NPAT: variants seen among roughly 807,000 people sequenced by gnomAD.
The protein encoded by NPAT is protein NPAT.
A neutral mutation model predicts 130.7 loss-of-function variants in NPAT; 52 were observed. That is an observed-to-expected ratio of 0.40 (90% CI 0.32 to 0.50). The LOEUF (loss-of-function observed/expected upper bound fraction) is 0.50, where lower values mean the gene tolerates loss of function less well. NPAT is among the 20% of genes least tolerant of loss of function. The pLI is 0.68. For missense variants in NPAT, 1,687 were observed against 1,662.6 expected (o/e 1.01, Z -0.26); for synonymous variants, 580 against 584.8 (o/e 0.99, Z 0.12).
intron 10 of NPAT, among the ~76,000 whole-genome samples, chr11:108,178,836 C>T (rs1002078052): frequency 2.6e-5 from 4 of 152,062 alleles, no homozygotes; most frequent in African/African-American, 9.7e-5. Flanking sequence ...CCAGCCTGGG[C>T]AACTGTGAGT....
chr11:108,170,211 G>C (rs180756196), intron 13 of NPAT, 168 bp from the exon 14 acceptor site: 10 of 593,816 alleles, frequency 1.7e-5, no homozygotes, highest in Non-Finnish European at 2.7e-5. Flanking sequence ...CAAAAAAAAC[G>C]AAACTGAAAC....
rs1313267060 is a variant in NPAT, at chr11:108,158,058, C to A, written c.*884G>T. The A allele has an allele frequency of 5.9e-5, 9 of 152,462 alleles. No homozygotes were observed. The highest frequency in any genetic ancestry group is 1.7e-4 in the African/African-American group (7 of 41,428). The allele number at this position is 152,462 out of a possible 1,614,324, so 9.4% of individuals were successfully genotyped here. On this transcript the variant is annotated 3_prime_UTR_variant, in exon 18 of 18. Transcript: ENST00000278612. ...AGATAATCCTCCACATAAACTCTCA[C>A]ATAGAACACAAGATTTAAATTATAT...
At chr11:108,160,261 T>C (rs951442825) in intron 17 of NPAT, among the ~76,000 whole-genome samples, 1 of 151,958 alleles carries the variant, frequency 6.6e-6, no homozygotes, top group Non-Finnish European at 1.5e-5. Flanking sequence ...AGGCGGAGGC[T>C]GCAGTGAGCC....
At chr11:108,215,513 C>A (rs1382410013) in intron 1 of NPAT, among the ~76,000 whole-genome samples, 3 of 152,104 alleles carry the variant, frequency 2.0e-5, no homozygotes, top group Non-Finnish European at 4.4e-5. Context: ...CACATGTACC[C>A]CTGAATTTAA....
intron 10 of NPAT, among the ~76,000 whole-genome samples, chr11:108,181,012 T>C (rs1478009586): frequency 6.6e-6 from 1 of 152,182 alleles, no homozygotes; most frequent in Non-Finnish European, 1.5e-5. Flanking sequence ...GAAAGTAGAA[T>C]GGTGGTTGGC....
chr11:108,183,721 G>C (rs1250668121), intron 10 of NPAT, among the ~76,000 whole-genome samples: 1 of 152,172 alleles, frequency 6.6e-6, no homozygotes, highest in African/African-American at 2.4e-5. Flanking sequence ...AGAATCGTTT[G>C]AACTCAGGAG....
intron 10 of NPAT, among the ~76,000 whole-genome samples, chr11:108,184,373 G>A (rs2078084728): frequency 6.6e-6 from 1 of 151,782 alleles, no homozygotes; most frequent in African/African-American, 2.4e-5. Context: ...TCAGGAGGCT[G>A]AGGCAGAAGA....
In NPAT at chr11:108,173,961, C is replaced by G. The variant is rs2077980798; in HGVS notation, c.1133-110G>C. ...CAAGAAAATAACTCATCTTTGCATA[C>G]CAGTAAGTGGAAGTCTGATACGCTG... On this transcript the variant is annotated intron_variant, in intron 12 of 17. Transcript: ENST00000278612. The G allele has an allele frequency of 1.4e-5, 13 of 908,960 alleles. No individual in the cohort carries two copies. The South Asian group carries it at 1.6e-4, about 12-fold the overall frequency. 56.3% of individuals were successfully genotyped at this position (908,960 alleles called of 1,614,324 possible). A position where few individuals can be genotyped will look rare whatever the true frequency, so the allele number is the denominator to read the frequency against.
At chr11:108,195,906 C>T (rs1039437752) in intron 2 of NPAT, among the ~76,000 whole-genome samples, 2 of 152,256 alleles carry the variant, frequency 1.3e-5, no homozygotes, top group African/African-American at 4.8e-5. Context: ...GGATTATAGG[C>T]ATGAGCCATT....
chr11:108,166,729 C>T (rs2077906023), intron 15 of NPAT, among the ~76,000 whole-genome samples: 1 of 152,098 alleles, frequency 6.6e-6, no homozygotes, highest in African/African-American at 2.4e-5. Context: ...ATGAGTCTGT[C>T]CTCTGCTCTT....
At chr11:108,168,174 A>T (rs890542167) in intron 15 of NPAT, among the ~76,000 whole-genome samples, 1 of 152,156 alleles carries the variant, frequency 6.6e-6, no homozygotes, top group African/African-American at 2.4e-5. Flanking sequence ...CTTCTCTATT[A>T]TACCCAGTAT....
In NPAT at chr11:108,161,412, G is replaced by A. The variant is rs201589987; in HGVS notation, c.3674C>T (p.Thr1225Ile). The A allele has an allele frequency of 1.4e-4, 218 of 1,614,154 alleles. No homozygotes were observed. Among genetic ancestry groups the A allele is most frequent in the Middle Eastern group, 1.6e-4 (1 of 6,062 alleles). The stretch of plus-strand genomic sequence containing the variant: ...TTCTTGTTTTAGATCCTTCACAGCT[G>A]TACCTACTGAAAGTACATTTTTATT... ...SNNKNVLSVGTAVKDLKQEQT... is the reference protein window; with the variant it reads ...SNNKNVLSVGIAVKDLKQEQT... Residue 1225 changes from threonine (T) to isoleucine (I), a missense_variant, in exon 17 of 18, where the codon ACA (threonine) becomes ATA (isoleucine). Physicochemically the swap from Thr to Ile is moderately conservative, Grantham distance 89. Transcript: ENST00000278612.
intron 1 of NPAT, among the ~76,000 whole-genome samples, chr11:108,218,848 G>A (rs2078457976): frequency 6.6e-6 from 1 of 152,172 alleles, no homozygotes; most frequent in Non-Finnish European, 1.5e-5. Flanking sequence ...AGATACAACA[G>A]AAAAGACAAA....
chr11:108,173,361 A>G lies in NPAT; in HGVS notation c.1623T>C (p.Thr541=), dbSNP rs1255150486. 1.2e-6 allele frequency: 2 copies of G among 1,613,644 alleles called. No homozygotes were observed. The change falls in exon 13 of 18, where the codon ACT becomes ACC. Residue 541 remains threonine, a synonymous_variant. Transcript: ENST00000278612. ...ATTGACTTTTTTTAGATGGCTTTCC[A>G]GTTAATGAAGTATCTTGGGATAAAA... ...SQLLSQDTSL[T]GKPSKKSQFC...
At chr11:108,198,207 GGAA>G (rs1181366449) in intron 1 of NPAT, among the ~76,000 whole-genome samples, 5 of 151,958 alleles carry the variant, frequency 3.3e-5, no homozygotes, top group African/African-American at 1.2e-4. Flanking sequence ...CAACAAACAT[GGAA>G]GAAGAAAAAT....
rs763440042 is a variant in NPAT, at chr11:108,189,156, C to T, written c.506G>A (p.Arg169Lys). The change falls in exon 6 of 18, where the codon AGG (arginine) becomes AAG (lysine). Residue 169 changes from arginine (R) to lysine (K), a missense_variant. Coordinates refer to ENST00000278612, the MANE Select transcript of NPAT (RefSeq NM_002519.3). The stretch of plus-strand genomic sequence containing the variant: ...GTGGTTGACCACTACAAAATATGAC[C>T]TCGATGGATCTGAAATTTGGCCACT... Reference protein sequence around the residue: ...RPSGQISDPSRSYFVVVNHSQ... With the variant: ...RPSGQISDPSKSYFVVVNHSQ... The T allele has an allele frequency of 3.1e-6, 5 of 1,614,092 alleles. No homozygotes were observed. The South Asian group carries it at 5.5e-5, about 18-fold the overall frequency.
intron 1 of NPAT, among the ~76,000 whole-genome samples, chr11:108,197,926 T>C (rs1026738259): frequency 2.0e-5 from 3 of 152,228 alleles, no homozygotes; most frequent in African/African-American, 4.8e-5. Context: ...TCTTAATTTA[T>C]GCCCTTTGGG....
chr11:108,214,505 T>C (rs2078414323), intron 1 of NPAT, among the ~76,000 whole-genome samples: 1 of 152,130 alleles, frequency 6.6e-6, no homozygotes, highest in Non-Finnish European at 1.5e-5. Context: ...ATGGAAATAT[T>C]GAAATTACTG....
chr11:108,193,020 G>A (rs1028734007), intron 3 of NPAT, among the ~76,000 whole-genome samples: 1 of 152,096 alleles, frequency 6.6e-6, no homozygotes, highest in African/African-American at 2.4e-5. Flanking sequence ...GTAGCACAAT[G>A]CTTATACACA....
Sources: allele counts gnomAD v4.1 joint callset (sites outside exome capture counted in the v4.1 genomes callset), GRCh38; gene constraint gnomAD v4.1.1; transcripts MANE v1.5; gene names NCBI Gene and HGNC (gene_info 2026-07-23, HGNC 2026-07-21).